MACC1: variants seen among roughly 807,000 people sequenced by gnomAD.
MACC1 encodes metastasis-associated in colon cancer protein 1.
Under a neutral mutation model 70.7 loss-of-function variants are expected in MACC1, and 79 were observed. That is an observed-to-expected ratio of 1.12 (90% CI 0.93 to 1.35). The LOEUF is 1.35. Ranked by LOEUF, MACC1 falls within the 40% of genes most tolerant of loss-of-function variation. The pLI is 0.00. For missense variants in MACC1, 1,106 were observed against 978.1 expected (o/e 1.13, Z -1.74); for synonymous variants, 361 against 347.2 (o/e 1.04, Z -0.44).
rs749227244 is a variant in MACC1 at position 20,159,780 on chromosome 7, T to C, written c.581A>G (p.Asp194Gly). Residue 194 changes from aspartate (D) to glycine (G), a missense_variant, in exon 5 of 7, where the codon GAT becomes GGT. By Grantham distance (94) the Asp-to-Gly change is moderately conservative. Coordinates refer to ENST00000400331, the MANE Select transcript of MACC1 (RefSeq NM_182762.4). ...AGGGCTCTGACTAATTGTATTCAAATCAAGGCAGGAGCGGGCCAGCTGGCG... is the reference window on the plus strand; with the variant it reads ...AGGGCTCTGACTAATTGTATTCAAACCAAGGCAGGAGCGGGCCAGCTGGCG... ...SQRQLARSCL[D>G]LNTISQSPGW... 6.2e-7 allele frequency: 1 copy of C among 1,614,068 alleles called. No homozygotes were observed. The highest frequency in any genetic ancestry group is 2.2e-5 in the East Asian group (1 of 44,874).
chr7:20,176,302 T>G (rs185795677), intron 1 of MACC1, among the ~76,000 whole-genome samples: 27 of 152,104 alleles, frequency 1.8e-4, no homozygotes, highest in African/African-American at 6.0e-4. Flanking sequence ...CTCGTAAAAA[T>G]AAAAGAGAAG....
At chr7:20,174,391 A>G (rs1457312252) in intron 1 of MACC1, among the ~76,000 whole-genome samples, 1 of 152,212 alleles carries the variant, frequency 6.6e-6, no homozygotes, top group African/African-American at 2.4e-5. Flanking sequence ...AGGTATGAGA[A>G]AGAAATTTTA....
At position 20,158,802 on chromosome 7, in the gene MACC1, T is replaced by A. The variant is rs140334517; in HGVS notation, c.1559A>T (p.Tyr520Phe). The part of the protein sequence containing the change: ...NLKRLSNLPG[Y>F]LQKKEEIKSA... ...CTTGATTTCCTCCTTCTTCTGCAAA[T>A]AGCCTGGCAGATTCGAGAGTCTTTT... The change falls in exon 5 of 7, where the codon TAT (tyrosine) becomes TTT (phenylalanine). Residue 520 changes from tyrosine (Y) to phenylalanine (F), a missense_variant. By Grantham distance (22) the Tyr-to-Phe change is conservative. Transcript: ENST00000400331. The A allele has an allele frequency of 6.2e-7, 1 of 1,614,146 alleles. No individual in the cohort carries two copies. Among genetic ancestry groups the A allele is most frequent in the East Asian group, 2.2e-5 (1 of 44,874 alleles).
At chr7:20,193,671 A>T (rs1782705718) in intron 1 of MACC1, among the ~76,000 whole-genome samples, 1 of 152,226 alleles carries the variant, frequency 6.6e-6, no homozygotes, top group South Asian at 2.1e-4. Flanking sequence ...TCAGGAAGGC[A>T]GGCCTGGTTG....
intron 1 of MACC1, among the ~76,000 whole-genome samples, chr7:20,184,192 G>C (rs764973160): frequency 1.1e-4 from 16 of 152,030 alleles, no homozygotes; most frequent in Non-Finnish European, 2.2e-4. Context: ...ATTATATAGT[G>C]GTGAATTCTG....
chr7:20,177,068 G>T (rs1782404453), intron 1 of MACC1, among the ~76,000 whole-genome samples: 1 of 152,122 alleles, frequency 6.6e-6, no homozygotes, highest in African/African-American at 2.4e-5. Context: ...TTGTACAAGT[G>T]TCAATTTCCT....
intron 2 of MACC1, among the ~76,000 whole-genome samples, chr7:20,166,137 C>T (rs1170962752): frequency 3.3e-5 from 5 of 152,142 alleles, no homozygotes; most frequent in Admixed American, 3.3e-4. Context: ...AAGTATTTTT[C>T]AGTTAGTGCT....
Position 20,214,642 on chromosome 7 carries a change from C to T in MACC1, c.-218+2657G>A, listed in dbSNP as rs192404575. On this transcript the variant is annotated intron_variant, in intron 1 of 6. Coordinates refer to ENST00000400331, the MANE Select transcript of MACC1 (RefSeq NM_182762.4). Reference sequence around the variant, plus strand: ...TTAAATTAAACTAAGTACTTTTTGCCTACTAACATTTATTGCTTATTCTGT... The same window carrying T: ...TTAAATTAAACTAAGTACTTTTTGCTTACTAACATTTATTGCTTATTCTGT... 3.3e-5 allele frequency among the ~76,000 whole-genome samples: 5 copies of T among 152,036 alleles called. No individual in the cohort carries two copies. The East Asian group carries it at 9.6e-4, about 29-fold the overall frequency.
At chr7:20,164,456 AG>A (rs1414305711) in intron 2 of MACC1, 57 bp from the exon 3 acceptor site, 1 of 152,238 alleles carries the variant, frequency 6.6e-6, no homozygotes, top group African/African-American at 2.4e-5. Context: ...AAGGAATAAA[AG>A]AAAAAGAAAA....
chr7:20,200,987 A>G (rs1198988435), intron 1 of MACC1, among the ~76,000 whole-genome samples: 1 of 152,186 alleles, frequency 6.6e-6, no homozygotes, highest in African/African-American at 2.4e-5. Flanking sequence ...TTCCAAGATG[A>G]CTAGGTGTTA....
At chr7:20,206,641 T>C (rs184169125) in intron 1 of MACC1, among the ~76,000 whole-genome samples, 10 of 152,338 alleles carry the variant, frequency 6.6e-5, no homozygotes, top group East Asian at 1.9e-4. Context: ...CACTGAAGGA[T>C]TGCTGACTTG....
At chr7:20,148,355 CA>C (rs1197822187) in intron 6 of MACC1, among the ~76,000 whole-genome samples, 1 of 152,010 alleles carries the variant, frequency 6.6e-6, no homozygotes, top group Non-Finnish European at 1.5e-5. Flanking sequence ...AATCTAGGGC[CA>C]TTTTACTAAA....
At chr7:20,172,644 T>C (rs1196723117) in intron 1 of MACC1, among the ~76,000 whole-genome samples, 1 of 152,174 alleles carries the variant, frequency 6.6e-6, no homozygotes, top group Non-Finnish European at 1.5e-5. Context: ...AAAGAAACCA[T>C]TCAGAATAGA....
rs537791267 is a variant in MACC1, at chr7:20,136,837, A to T, written c.*4109T>A. The T allele has an allele frequency of 2.0e-5, 3 of 149,376 alleles. No individual in the cohort carries two copies. In the South Asian group the frequency reaches 6.3e-4, roughly 31 times the overall value. The allele number at this position is 149,376 out of a possible 1,614,324, so 9.3% of individuals were successfully genotyped here. A position where few individuals can be genotyped will look rare whatever the true frequency, so the allele number is the denominator to read the frequency against. The stretch of plus-strand genomic sequence containing the variant: ...TTAATTCTTAAAGATTAAGATTATT[A>T]TTAATTATTAATTGTAATTATTAAT... On this transcript the variant is annotated 3_prime_UTR_variant, in exon 7 of 7. Transcript: ENST00000400331.
chr7:20,162,144 GACA>G (rs150965300), intron 3 of MACC1, among the ~76,000 whole-genome samples: 1 of 151,730 alleles, frequency 6.6e-6, no homozygotes, highest in Non-Finnish European at 1.5e-5. Flanking sequence ...GAATTCCAAG[GACA>G]ACAACAACAA....
At chr7:20,190,189 G>C (rs1324351976) in intron 1 of MACC1, among the ~76,000 whole-genome samples, 1 of 152,156 alleles carries the variant, frequency 6.6e-6, no homozygotes, top group Non-Finnish European at 1.5e-5. Flanking sequence ...ATGGGACTCT[G>C]ATTTCTATTT....
chr7:20,172,566 T>C (rs1249862534), intron 1 of MACC1, among the ~76,000 whole-genome samples: 1 of 152,234 alleles, frequency 6.6e-6, no homozygotes, highest in Non-Finnish European at 1.5e-5. Flanking sequence ...AAATTAATTA[T>C]GTTTTGTTAT....
Position 20,141,030 on chromosome 7 carries a change from C to T in MACC1, c.2475G>A (p.Trp825Ter). ...GTATTAAAACTCCAGTTAATTCTCT[C>T]CAGTGTTTAGTCACAGGGTTTTTCA... ...DRMKNPVTKHWRELTGVLILV... is the reference protein window; with the variant it reads ...DRMKNPVTKH Residue 825 changes from tryptophan (W) to a stop codon, truncating the protein, a stop_gained, in exon 7 of 7, where the codon TGG becomes TGA. Coordinates refer to ENST00000400331, the MANE Select transcript of MACC1 (RefSeq NM_182762.4). LOFTEE classifies it high-confidence loss of function. 1 of 1,614,096 alleles carries T rather than the reference C, an allele frequency of 6.2e-7. No homozygotes were observed. Among genetic ancestry groups the T allele is most frequent in the Non-Finnish European group, 8.5e-7 (1 of 1,179,980 alleles).
chr7:20,199,014 T>G (rs532900736), intron 1 of MACC1, among the ~76,000 whole-genome samples: 2 of 152,302 alleles, frequency 1.3e-5, no homozygotes, highest in East Asian at 3.9e-4. Flanking sequence ...ATATAATATT[T>G]TATGCGAGTG....
Sources: allele counts gnomAD v4.1 joint callset (sites outside exome capture counted in the v4.1 genomes callset), GRCh38; gene constraint gnomAD v4.1.1; transcripts MANE v1.5; gene names NCBI Gene and HGNC (gene_info 2026-07-23, HGNC 2026-07-21).